The following LRMDA variants were observed in gnomAD, a reference collection of about 807,000 sequenced individuals.
LRMDA encodes the protein leucine rich melanocyte differentiation associated.
In LRMDA, 18 loss-of-function variants were observed where a neutral mutation model predicts 29.8. That is an observed-to-expected ratio of 0.60 (90% CI 0.42 to 0.90). The LOEUF (loss-of-function observed/expected upper bound fraction) is 0.90, where lower values mean the gene tolerates loss of function less well. Ranked by LOEUF, LRMDA falls within the 40% of genes least tolerant of loss-of-function variation. LRMDA has a pLI of 0.00. For synonymous variants in LRMDA, 125 were observed against 109.4 expected (o/e 1.14, Z -0.89); for missense variants, 273 against 273.9 (o/e 1.00, Z 0.02).
In LRMDA at chr10:75,563,844, G is replaced by A. The variant is rs1358573449; in HGVS notation, c.131+125350G>A. 3.9e-5 allele frequency among the ~76,000 whole-genome samples: 6 copies of A among 152,038 alleles called. No homozygotes were observed. The East Asian group carries it at 5.8e-4, about 15-fold the overall frequency. ...TCAGCAGCGGTGGCTGCAGAACAGCGGATTTTCGTGAACTGCGAATGCTGC... is the reference window on the plus strand; with the variant it reads ...TCAGCAGCGGTGGCTGCAGAACAGCAGATTTTCGTGAACTGCGAATGCTGC... On this transcript the variant is annotated intron_variant, in intron 2 of 6. Coordinates refer to ENST00000611255, the MANE Select transcript of LRMDA (RefSeq NM_001305581.2).
intron 5 of LRMDA, among the ~76,000 whole-genome samples, chr10:76,126,929 G>C (rs1482825128): frequency 6.6e-6 from 1 of 152,204 alleles, no homozygotes; most frequent in Non-Finnish European, 1.5e-5. Context: ...CTGAAGGTTG[G>C]CCACTTCTCA....
chr10:75,996,329 G>A (rs546556600), intron 2 of LRMDA, among the ~76,000 whole-genome samples: 17 of 152,304 alleles, frequency 1.1e-4, no homozygotes, highest in African/African-American at 3.4e-4. Flanking sequence ...AGTTTTGAAC[G>A]TGTGGAATTT....
chr10:75,606,583 A>G (rs1380038955), intron 2 of LRMDA, among the ~76,000 whole-genome samples: 1 of 152,150 alleles, frequency 6.6e-6, no homozygotes, highest in Non-Finnish European at 1.5e-5. Flanking sequence ...GACTGGGGAC[A>G]TTTATAGGAG....
intron 2 of LRMDA, among the ~76,000 whole-genome samples, chr10:75,984,412 C>G (rs1213335743): frequency 6.6e-6 from 1 of 152,228 alleles, no homozygotes; most frequent in African/African-American, 2.4e-5. Context: ...GTCAACTTCT[C>G]TGCCCTGTGT....
At chr10:76,299,279 A>G (rs1487961481) in intron 5 of LRMDA, among the ~76,000 whole-genome samples, 3 of 152,068 alleles carry the variant, frequency 2.0e-5, no homozygotes, top group African/African-American at 7.2e-5. Context: ...TGCAGTTTGC[A>G]TGGCTGATAC....
At chr10:75,692,241 T>TATACATATATATATTTTATATAA in intron 2 of LRMDA, among the ~76,000 whole-genome samples, 2 of 135,160 alleles carry the variant, frequency 1.5e-5, no homozygotes, top group South Asian at 4.8e-4. Flanking sequence ...TATATATATA[T>TATACATATATATATTTTATATAA]ATATATACAT....
chr10:76,362,431 G>C (rs1187835712), intron 6 of LRMDA, among the ~76,000 whole-genome samples: 1 of 152,176 alleles, frequency 6.6e-6, no homozygotes, highest in East Asian at 1.9e-4. Context: ...TAAATTAATT[G>C]AAAGTAACAT....
intron 2 of LRMDA, among the ~76,000 whole-genome samples, chr10:75,620,641 C>T (rs1358759981): frequency 6.6e-6 from 1 of 152,178 alleles, no homozygotes; most frequent in Non-Finnish European, 1.5e-5. Flanking sequence ...TTGTCACACT[C>T]CATCACTCCA....
chr10:75,998,943 C>A (rs1847517478), intron 2 of LRMDA, among the ~76,000 whole-genome samples: 1 of 152,160 alleles, frequency 6.6e-6, no homozygotes, highest in Admixed American at 6.5e-5. Context: ...CTGGGAGAGA[C>A]CTCTGAGGAA....
At position 75,564,367 on chromosome 10, in the gene LRMDA, G is replaced by A. The variant is rs547565275; in HGVS notation, c.131+125873G>A. On this transcript the variant is annotated intron_variant, in intron 2 of 6. Transcript: ENST00000611255. ...GTGGGATATAATCTCCTGGTGTGCC[G>A]TTTTTTAAGCCCTTTGGAAAAGCGC... Among the ~76,000 whole-genome samples, 26 of 152,306 alleles carry A rather than the reference G, an allele frequency of 1.7e-4. No homozygotes were observed. The East Asian group carries it at 3.9e-3, about 23-fold the overall frequency.
At chr10:75,689,522 C>A (rs1842119674) in intron 2 of LRMDA, among the ~76,000 whole-genome samples, 1 of 152,266 alleles carries the variant, frequency 6.6e-6, no homozygotes, top group African/African-American at 2.4e-5. Flanking sequence ...GGGAGCCAGC[C>A]TTTGCCCTCC....
intron 2 of LRMDA, among the ~76,000 whole-genome samples, chr10:75,708,435 G>A (rs546558865): frequency 6.2e-4 from 94 of 152,134 alleles, no homozygotes; most frequent in African/African-American, 1.9e-3. Flanking sequence ...ACCATTTTCC[G>A]GGTTTGTGGT....
intron 2 of LRMDA, among the ~76,000 whole-genome samples, chr10:75,548,347 C>T (rs1336600327): frequency 6.6e-6 from 1 of 152,182 alleles, no homozygotes; most frequent in Non-Finnish European, 1.5e-5. Flanking sequence ...GTAGCATTAG[C>T]TAACATCTTT....
At chr10:76,137,768 A>G (rs551773577) in intron 5 of LRMDA, among the ~76,000 whole-genome samples, 104 of 138,428 alleles carry the variant, frequency 7.5e-4, no homozygotes, top group Non-Finnish European at 1.2e-3. Flanking sequence ...CACAGTCCCT[A>G]TGGCAAAAAA....
chr10:76,487,098 A>G (rs1489000550), intron 6 of LRMDA, among the ~76,000 whole-genome samples: 1 of 151,942 alleles, frequency 6.6e-6, no homozygotes, highest in Non-Finnish European at 1.5e-5. Context: ...AACGGTGATG[A>G]TGAAAGTGTG....
intron 2 of LRMDA, among the ~76,000 whole-genome samples, chr10:75,862,410 T>G (rs1265715290): frequency 2.0e-5 from 3 of 152,154 alleles, no homozygotes; most frequent in African/African-American, 7.2e-5. Flanking sequence ...AACTACCTGT[T>G]TTCCCATTAG....
intron 5 of LRMDA, among the ~76,000 whole-genome samples, chr10:76,307,994 C>A (rs114094924): frequency 6.6e-6 from 1 of 152,104 alleles, no homozygotes; most frequent in Non-Finnish European, 1.5e-5. Flanking sequence ...TACAACTTAC[C>A]CTGGAAATGT....
At chr10:75,548,435 G>A (rs1027563859) in intron 2 of LRMDA, among the ~76,000 whole-genome samples, 11 of 152,248 alleles carry the variant, frequency 7.2e-5, no homozygotes, top group African/African-American at 2.6e-4. Context: ...GCAACAGTGA[G>A]GAACTCTAAT....
chr10:76,478,209 A>G (rs1020812782), intron 6 of LRMDA, among the ~76,000 whole-genome samples: 1 of 151,380 alleles, frequency 6.6e-6, no homozygotes. Context: ...TTACAAGAAA[A>G]AAACAACCCC....
Sources: gnomAD v4.1 joint callset for allele counts (sites outside exome capture counted in the v4.1 genomes callset) on GRCh38, gnomAD v4.1.1 for gene constraint, MANE v1.5 for transcripts, NCBI Gene and HGNC (gene_info 2026-07-23, HGNC 2026-07-21) for gene names.